AFF1: variants seen among roughly 807,000 people sequenced by gnomAD.
AFF1 encodes AF4/FMR2 family member 1.
AFF1 carries 48 observed loss-of-function variants against 121.7 expected under a neutral mutation model. The observed-to-expected ratio is 0.39, with a 90% CI of 0.31 to 0.50. AFF1 has a LOEUF of 0.50. Among genes scored for constraint, AFF1 ranks in the 20% least tolerant of loss-of-function variants. The probability of loss-of-function intolerance (pLI) is 0.76; values close to 1 mark genes in which losing one functional copy is unlikely to be tolerated. For missense variants in AFF1, 1,523 were observed against 1,511.7 expected (o/e 1.01, Z -0.12); for synonymous variants, 613 against 563.0 (o/e 1.09, Z -1.26).
chr4:87,080,807 A>G (rs948750731), intron 4 of AFF1, among the ~76,000 whole-genome samples: 1 of 152,200 alleles, frequency 6.6e-6, no homozygotes, highest in African/African-American at 2.4e-5. Flanking sequence ...CCTGTAAACA[A>G]ATCCAAAAGA....
chr4:87,128,342 T>C (rs1001616083), intron 16 of AFF1, among the ~76,000 whole-genome samples: 8 of 152,224 alleles, frequency 5.3e-5, no homozygotes, highest in African/African-American at 1.7e-4. Flanking sequence ...GGTGGTTTTG[T>C]AGTTAATTGT....
At chr4:87,109,098 A>G (rs925295719) in intron 11 of AFF1, among the ~76,000 whole-genome samples, 1 of 152,202 alleles carries the variant, frequency 6.6e-6, no homozygotes, top group African/African-American at 2.4e-5. Flanking sequence ...ATTAATGAAA[A>G]GGGAAGGCAT....
At position 86,956,742 on chromosome 4, in the gene AFF1, T is replaced by G. The variant is rs555660251; in HGVS notation, c.38+8171T>G. 7.9e-5 allele frequency among the ~76,000 whole-genome samples: 12 copies of G among 152,364 alleles called. No homozygotes were observed. The Middle Eastern group carries it at 0.01, about 130-fold the overall frequency. On this transcript the variant is annotated intron_variant, in intron 2 of 20. Transcript: ENST00000395146. ...CAAGATTCATCCATATTACAGCATG[T>G]ATCAGTTTTTCAGTCCTTTTTATTG...
intron 1 of AFF1, among the ~76,000 whole-genome samples, chr4:86,945,319 C>CT (rs72025655): frequency 0.094 from 10,362 of 109,744 alleles, 566 homozygotes; most frequent in Non-Finnish European, 0.12. Flanking sequence ...TTTTCTTTTC[C>CT]TTTTTTTTTT....
chr4:87,037,021 A>T (rs779227465), intron 2 of AFF1, among the ~76,000 whole-genome samples: 1 of 152,134 alleles, frequency 6.6e-6, no homozygotes, highest in Non-Finnish European at 1.5e-5. Flanking sequence ...CTTTACGCAG[A>T]TGGATCTAAA....
chr4:87,089,039 G>T (rs1005750319), intron 5 of AFF1, among the ~76,000 whole-genome samples: 1 of 152,154 alleles, frequency 6.6e-6, no homozygotes, highest in Non-Finnish European at 1.5e-5. Flanking sequence ...TGCTGCGCCC[G>T]GCCGCATGTC....
chr4:87,082,412 A>G (rs1723264507), intron 4 of AFF1, among the ~76,000 whole-genome samples: 1 of 152,310 alleles, frequency 6.6e-6, no homozygotes, highest in East Asian at 1.9e-4. Flanking sequence ...GCTAGAGATG[A>G]TTCCAGTGGA....
chr4:86,951,129 T>C (rs1302225968), intron 2 of AFF1, among the ~76,000 whole-genome samples: 4 of 152,204 alleles, frequency 2.6e-5, no homozygotes, highest in African/African-American at 4.8e-5. Context: ...ATGTAAGATT[T>C]AGCAACCCTG....
intron 5 of AFF1, among the ~76,000 whole-genome samples, chr4:87,085,218 G>C (rs933518145): frequency 3.3e-5 from 5 of 152,044 alleles, no homozygotes; most frequent in Admixed American, 2.0e-4. Context: ...TCATGAACTG[G>C]CATTCTTTCT....
chr4:86,950,305 A>G (rs983259970), intron 2 of AFF1, among the ~76,000 whole-genome samples: 8 of 152,234 alleles, frequency 5.3e-5, no homozygotes, highest in Middle Eastern at 3.4e-3. Flanking sequence ...CAGCCTCCCA[A>G]TTAGCTGGGA....
chr4:87,064,443 C>G (rs1189329021), intron 4 of AFF1, among the ~76,000 whole-genome samples: 6 of 152,182 alleles, frequency 3.9e-5, no homozygotes, highest in Admixed American at 6.5e-5. Context: ...ATATAAACTT[C>G]TTTAAAATAG....
chr4:87,109,281 C>G (rs950692136), intron 11 of AFF1, among the ~76,000 whole-genome samples: 8 of 152,188 alleles, frequency 5.3e-5, no homozygotes, highest in Admixed American at 2.0e-4. Context: ...CTGAATACAT[C>G]TGGAGCTAAT....
chr4:87,109,225 T>C (rs1170142581), intron 11 of AFF1, among the ~76,000 whole-genome samples: 1 of 152,238 alleles, frequency 6.6e-6, no homozygotes, highest in African/African-American at 2.4e-5. Context: ...AAGCCTTCTG[T>C]ATTTGTCTCT....
rs3035477 is a variant in AFF1 at position 86,963,963 on chromosome 4, GTT to G, written c.38+15412_38+15413del. On this transcript the variant is annotated intron_variant, in intron 2 of 20. Transcript: ENST00000395146. ...GGTGTGAGTCACCATGACTAGACTG[GTT>G]TTTTTTTTTTTTTTTTTTTAGTACA... Among the ~76,000 whole-genome samples the G allele has an allele frequency of 4.6e-3, 475 of 104,352 alleles. 3 individuals carry two copies. The highest frequency in any genetic ancestry group is 0.016 in the African/African-American group (427 of 26,214). 68.5% of individuals were successfully genotyped at this position (104,352 alleles called of 152,430 possible). A position where few individuals can be genotyped will look rare whatever the true frequency, so the allele number is the denominator to read the frequency against.
Position 87,114,775 on chromosome 4 carries a change from G to C in AFF1, c.1942G>C (p.Asp648His), listed in dbSNP as rs1726914442. The C allele has an allele frequency of 1.2e-6, 2 of 1,613,354 alleles. No homozygotes were observed. The highest frequency in any genetic ancestry group is 2.2e-5 in the South Asian group (2 of 91,022). The change falls in exon 12 of 21, where the codon GAC becomes CAC. Residue 648 changes from aspartate (D) to histidine (H), a missense_variant. Physicochemically the swap from Asp to His is moderately conservative, Grantham distance 81. Transcript: ENST00000395146. ...TGGCTCCCGAGACCAGACTTCCAAAGACAAGCCCAAGGTGAAGACGAAAGG... is the reference window on the plus strand; with the variant it reads ...TGGCTCCCGAGACCAGACTTCCAAACACAAGCCCAAGGTGAAGACGAAAGG... ...PYGSRDQTSKDKPKVKTKGRP... is the reference protein window; with the variant it reads ...PYGSRDQTSKHKPKVKTKGRP...
intron 2 of AFF1, among the ~76,000 whole-genome samples, chr4:86,997,774 A>T (rs1725331340): frequency 6.7e-6 from 1 of 150,340 alleles, no homozygotes; most frequent in South Asian, 2.1e-4. Flanking sequence ...AAAAAAAAAA[A>T]TGCATACTTA....
chr4:87,129,914 C>T (rs921395507), intron 16 of AFF1, among the ~76,000 whole-genome samples: 2 of 152,070 alleles, frequency 1.3e-5, no homozygotes, highest in Non-Finnish European at 2.9e-5. Flanking sequence ...TCATTGCTGA[C>T]GTGTCTCCAG....
chr4:86,940,202 C>T (rs1419987543), intron 1 of AFF1, among the ~76,000 whole-genome samples: 1 of 152,176 alleles, frequency 6.6e-6, no homozygotes, highest in Admixed American at 6.5e-5. Flanking sequence ...ACCCTACTCT[C>T]AAGCTAACTA....
At position 87,046,146 on chromosome 4, in the gene AFF1, T is replaced by C; in HGVS notation, c.39-20T>C. On this transcript the variant is annotated intron_variant, in intron 2 of 20. Coordinates refer to ENST00000395146, the MANE Select transcript of AFF1 (RefSeq NM_001166693.3). ...CTGATAAATTTTATTGTTTTCATTCTTTTGTGGCATCTGAAACAGTTTGTA... is the reference window on the plus strand; with the variant it reads ...CTGATAAATTTTATTGTTTTCATTCCTTTGTGGCATCTGAAACAGTTTGTA... The C allele has an allele frequency of 6.2e-7, 1 of 1,602,296 alleles. No homozygotes were observed. The highest frequency in any genetic ancestry group is 8.5e-7 in the Non-Finnish European group (1 of 1,178,238).
Sources: allele counts gnomAD v4.1 joint callset (sites outside exome capture counted in the v4.1 genomes callset), GRCh38; gene constraint gnomAD v4.1.1; transcripts MANE v1.5; gene names NCBI Gene and HGNC (gene_info 2026-07-23, HGNC 2026-07-21).